Variants in CYP7B1 observed in about 807,000 individuals in gnomAD.
The protein encoded by CYP7B1 is cytochrome P450 7B1.
CYP7B1 carries 29 observed loss-of-function variants against 42.7 expected under a neutral mutation model. The observed-to-expected ratio is 0.68, with a 90% CI of 0.51 to 0.93. CYP7B1 has a LOEUF of 0.93. Among genes scored for constraint, CYP7B1 ranks in the 40% least tolerant of loss-of-function variants. CYP7B1 has a pLI of 0.00. For missense variants in CYP7B1, 655 were observed against 600.5 expected (o/e 1.09, Z -0.95); for synonymous variants, 235 against 218.2 (o/e 1.08, Z -0.68).
chr8:64,618,084 C>T (rs1006989270), intron 2 of CYP7B1, among the ~76,000 whole-genome samples: 20 of 149,672 alleles, frequency 1.3e-4, no homozygotes, highest in Admixed American at 8.0e-4. Context: ...TGTGTATGTG[C>T]TCTGGGGAGA....
chr8:64,649,808 T>A (rs920313094), intron 1 of CYP7B1, among the ~76,000 whole-genome samples: 5 of 152,206 alleles, frequency 3.3e-5, no homozygotes, highest in Admixed American at 6.5e-5. Context: ...ACCTAATTAC[T>A]AGTGGTGTTG....
intron 1 of CYP7B1, among the ~76,000 whole-genome samples, chr8:64,795,295 G>C (rs1804687721): frequency 6.6e-6 from 1 of 152,220 alleles, no homozygotes; most frequent in Non-Finnish European, 1.5e-5. Flanking sequence ...AACTCGGGTA[G>C]GAACTGACTA....
chr8:64,685,404 C>A (rs1806610537), intron 1 of CYP7B1, among the ~76,000 whole-genome samples: 1 of 100,190 alleles, frequency 1.0e-5, no homozygotes, highest in African/African-American at 3.9e-5. Flanking sequence ...GGCCGCCATC[C>A]CATCTAGGAA....
intron 1 of CYP7B1, among the ~76,000 whole-genome samples, chr8:64,662,998 C>T (rs1806221357): frequency 6.6e-6 from 1 of 152,196 alleles, no homozygotes; most frequent in Non-Finnish European, 1.5e-5. Flanking sequence ...AATTCTGGAA[C>T]ACAGGCCATT....
intron 1 of CYP7B1, among the ~76,000 whole-genome samples, chr8:64,643,184 T>TATATAC (rs1563374423): frequency 2.6e-5 from 1 of 38,214 alleles, no homozygotes; most frequent in South Asian, 6.7e-4. Context: ...TATATATACA[T>TATATAC]ATATATATAC....
intron 1 of CYP7B1, among the ~76,000 whole-genome samples, chr8:64,773,165 TA>T (rs1485926545): frequency 6.6e-6 from 1 of 152,250 alleles, no homozygotes; most frequent in African/African-American, 2.4e-5. Flanking sequence ...TAAGTGCAGA[TA>T]TTTTTTGTCT....
intron 1 of CYP7B1, among the ~76,000 whole-genome samples, chr8:64,670,088 A>G (rs1806342546): frequency 6.6e-6 from 1 of 152,166 alleles, no homozygotes; most frequent in Admixed American, 6.5e-5. Context: ...TTAATGCCAC[A>G]CCCTAGTGGC....
In CYP7B1 at chr8:64,667,024, A is replaced by G. The variant is rs147496772; in HGVS notation, c.123-42485T>C. ...CAAATAACCTTGGAAATATCAGGAT[A>G]TTATAGAAAGAAGCCAGGGCTTTCA... On this transcript the variant is annotated intron_variant, in intron 1 of 5. Coordinates refer to ENST00000310193, the MANE Select transcript of CYP7B1 (RefSeq NM_004820.5). Among the ~76,000 whole-genome samples, 525 of 152,318 alleles carry G rather than the reference A, an allele frequency of 3.4e-3. 2 individuals are homozygous for G. The highest frequency in any genetic ancestry group is 0.011 in the African/African-American group (478 of 41,572).
At chr8:64,769,417 GA>G (rs886307901) in intron 1 of CYP7B1, among the ~76,000 whole-genome samples, 1 of 151,886 alleles carries the variant, frequency 6.6e-6, no homozygotes, top group Admixed American at 6.6e-5. Context: ...AACAATGTTA[GA>G]AAAAAAATAA....
At chr8:64,773,548 T>C (rs918984435) in intron 1 of CYP7B1, among the ~76,000 whole-genome samples, 12 of 152,248 alleles carry the variant, frequency 7.9e-5, no homozygotes, top group Non-Finnish European at 1.3e-4. Context: ...TTCAAAATGT[T>C]CAACAAAGTA....
intron 1 of CYP7B1, among the ~76,000 whole-genome samples, chr8:64,724,831 AAAC>A (rs1807298081): frequency 6.6e-6 from 1 of 152,164 alleles, no homozygotes; most frequent in Non-Finnish European, 1.5e-5. Flanking sequence ...GAGTCAGAAT[AAAC>A]AGAATTCCTC....
chr8:64,651,252 C>A (rs1422288365), intron 1 of CYP7B1, among the ~76,000 whole-genome samples: 1 of 152,200 alleles, frequency 6.6e-6, no homozygotes, highest in African/African-American at 2.4e-5. Context: ...AAGAGACCCA[C>A]TCCCAAGACT....
Position 64,647,697 on chromosome 8 carries a change from G to T in CYP7B1, c.123-23158C>A, listed in dbSNP as rs537558835. Among the ~76,000 whole-genome samples, 19 of 152,180 alleles carry T rather than the reference G, an allele frequency of 1.2e-4. No individual in the cohort carries two copies. The East Asian group carries it at 3.7e-3, about 29-fold the overall frequency. On this transcript the variant is annotated intron_variant, in intron 1 of 5. Coordinates refer to ENST00000310193, the MANE Select transcript of CYP7B1 (RefSeq NM_004820.5). ...GTCCCAGCTGAAACAGTGAGGCAGAGAAAAGAGGAAAATTCCTCCTCCCTC... is the reference window on the plus strand; with the variant it reads ...GTCCCAGCTGAAACAGTGAGGCAGATAAAAGAGGAAAATTCCTCCTCCCTC...
chr8:64,626,004 A>G (rs992124827), intron 1 of CYP7B1, among the ~76,000 whole-genome samples: 4 of 152,214 alleles, frequency 2.6e-5, no homozygotes, highest in Non-Finnish European at 5.9e-5. Flanking sequence ...TATGCAAGTC[A>G]TATTCAAGTA....
chr8:64,702,058 C>T (rs1414117627), intron 1 of CYP7B1, among the ~76,000 whole-genome samples: 1 of 151,994 alleles, frequency 6.6e-6, no homozygotes, highest in African/African-American at 2.4e-5. Flanking sequence ...GGTGCTTTAA[C>T]ACAATGAGGA....
chr8:64,623,937 T>C (rs1805568369), intron 2 of CYP7B1, among the ~76,000 whole-genome samples: 1 of 152,146 alleles, frequency 6.6e-6, no homozygotes, highest in Admixed American at 6.5e-5. Context: ...GATTGATCAA[T>C]ATTGGTTCAT....
Position 64,616,285 on chromosome 8 carries a change from GAA to G in CYP7B1, c.260-6_260-5del, listed in dbSNP as rs8192896. ...AGGATAAATGTTATGTACTTTCCTA[GAA>G]AAAAAAAAAGAGAGAGAAAATATGA... is the stretch of plus-strand genomic sequence containing the variant. On this transcript the variant is annotated splice_region_variant and splice_polypyrimidine_tract_variant and intron_variant, in intron 2 of 5. Coordinates refer to ENST00000310193, the MANE Select transcript of CYP7B1 (RefSeq NM_004820.5). The G allele has an allele frequency of 1.0e-4, 119 of 1,191,628 alleles. No homozygotes were observed. Among genetic ancestry groups the G allele is most frequent in the Admixed American group, 3.6e-4 (15 of 42,194 alleles). The allele number at this position is 1,191,628 out of a possible 1,614,324, so 73.8% of individuals were successfully genotyped here. A position where few individuals can be genotyped will look rare whatever the true frequency, so the allele number is the denominator to read the frequency against.
intron 1 of CYP7B1, among the ~76,000 whole-genome samples, chr8:64,790,594 A>G (rs1305880818): frequency 4.6e-5 from 7 of 152,182 alleles, no homozygotes; most frequent in Non-Finnish European, 7.3e-5. Context: ...TAAGTTATCT[A>G]TTTTCAACTT....
intron 1 of CYP7B1, among the ~76,000 whole-genome samples, chr8:64,720,633 T>C (rs75053420): frequency 0.015 from 2,229 of 152,306 alleles, 61 homozygotes; most frequent in African/African-American, 0.049. Flanking sequence ...GTTGGCTATA[T>C]GTTATTATAT....
Sources: gnomAD v4.1 joint callset for allele counts (sites outside exome capture counted in the v4.1 genomes callset) on GRCh38, gnomAD v4.1.1 for gene constraint, MANE v1.5 for transcripts, NCBI Gene and HGNC (gene_info 2026-07-23, HGNC 2026-07-21) for gene names.